Variants in FSD1L observed in about 807,000 individuals in gnomAD.
FSD1L encodes FSD1-like protein.
Under a neutral mutation model 71.6 loss-of-function variants are expected in FSD1L, and 45 were observed. That is an observed-to-expected ratio of 0.63 (90% confidence interval 0.49 to 0.81). FSD1L has a LOEUF of 0.81. Ranked by LOEUF, FSD1L falls within the 30% of genes least tolerant of loss-of-function variation. FSD1L has a pLI of 0.00. For missense variants in FSD1L, 561 were observed against 618.1 expected (o/e 0.91, Z 0.98); for synonymous variants, 197 against 207.2 (o/e 0.95, Z 0.42).
intron 6 of FSD1L, 54 bp from the exon 7 acceptor site, chr9:105,484,327 G>T: frequency 7.9e-7 from 1 of 1,273,882 alleles, no homozygotes; most frequent in Non-Finnish European, 1.0e-6. Flanking sequence ...AATTAAATAT[G>T]ATTTGATACT....
Position 105,494,263 on chromosome 9 carries a change from G to A in FSD1L, c.586+9761G>A, listed in dbSNP as rs558156760. 8.6e-3 allele frequency among the ~76,000 whole-genome samples: 1,310 copies of A among 151,708 alleles called. 16 individuals are homozygous for A. The highest frequency in any genetic ancestry group is 0.03 in the African/African-American group (1,250 of 41,204). On this transcript the variant is annotated intron_variant, in intron 7 of 13. Transcript: ENST00000481272. Reference sequence around the variant, plus strand: ...CATTTCATTCATTTCATCTTCCATTGCTGATACCCTTTCTTCCAGTTGATT... The same window carrying A: ...CATTTCATTCATTTCATCTTCCATTACTGATACCCTTTCTTCCAGTTGATT...
At chr9:105,513,420 G>A (rs915379495) in intron 10 of FSD1L, among the ~76,000 whole-genome samples, 1 of 152,128 alleles carries the variant, frequency 6.6e-6, no homozygotes, top group Non-Finnish European at 1.5e-5. Flanking sequence ...CAAAACATGG[G>A]ATCCTCTTTC....
rs988576656 is a variant in FSD1L, at chr9:105,546,607, T to C, written c.*124T>C. ...CTGTGTTCTGCTTTGAGGCCTGGAATCTTTTATCATTAAACACCTAGTACG... is the reference window on the plus strand; with the variant it reads ...CTGTGTTCTGCTTTGAGGCCTGGAACCTTTTATCATTAAACACCTAGTACG... On this transcript the variant is annotated 3_prime_UTR_variant, in exon 14 of 14. Transcript: ENST00000481272. 4 of 912,286 alleles carry C rather than the reference T, an allele frequency of 4.4e-6. No individual in the cohort carries two copies. In the South Asian group the frequency reaches 8.9e-5, roughly 20 times the overall value. 56.5% of individuals were successfully genotyped at this position (912,286 alleles called of 1,614,324 possible).
At chr9:105,466,403 A>G (rs987739446) in intron 3 of FSD1L, among the ~76,000 whole-genome samples, 3 of 152,240 alleles carry the variant, frequency 2.0e-5, no homozygotes, top group African/African-American at 4.8e-5. Flanking sequence ...ATAGAACTAC[A>G]AAAGAACCAG....
chr9:105,486,485 T>G (rs1000134484), intron 7 of FSD1L, among the ~76,000 whole-genome samples: 1 of 152,174 alleles, frequency 6.6e-6, no homozygotes, highest in Non-Finnish European at 1.5e-5. Context: ...TCTTGGGAGA[T>G]AGGGACTTAA....
At chr9:105,511,260 A>G (rs1432630690) in intron 9 of FSD1L, among the ~76,000 whole-genome samples, 1 of 151,568 alleles carries the variant, frequency 6.6e-6, no homozygotes, top group Non-Finnish European at 1.5e-5. Context: ...AACAAACATT[A>G]GGGGACAGCC....
chr9:105,448,083 C>T lies in FSD1L; in HGVS notation c.-138C>T, dbSNP rs1829729988. 3.0e-6 allele frequency: 3 copies of T among 994,248 alleles called. No homozygotes were observed. Among genetic ancestry groups the T allele is most frequent in the African/African-American group, 1.7e-5 (1 of 58,540 alleles). The allele number at this position is 994,248 out of a possible 1,614,324, so 61.6% of individuals were successfully genotyped here. On this transcript the variant is annotated 5_prime_UTR_variant, in exon 1 of 14. Transcript: ENST00000481272. ...GACTACGGCGCGCGCGGTCTGGGCGCGGACGGGTGGGGCCGGGCGGTGCCG... is the reference window on the plus strand; with the variant it reads ...GACTACGGCGCGCGCGGTCTGGGCGTGGACGGGTGGGGCCGGGCGGTGCCG...
At chr9:105,544,066 C>T (rs1836814056) in intron 13 of FSD1L, among the ~76,000 whole-genome samples, 2 of 152,188 alleles carry the variant, frequency 1.3e-5, no homozygotes, top group African/African-American at 4.8e-5. Context: ...AAAAGTGTTC[C>T]TGTTTCTCCA....
chr9:105,526,212 A>G (rs969923093), intron 10 of FSD1L: 82 of 1,597,440 alleles, frequency 5.1e-5, no homozygotes, highest in Non-Finnish European at 6.9e-5. Flanking sequence ...CTCTGATTCC[A>G]TTGTATCAAA....
intron 1 of FSD1L, 74 bp downstream of exon 1, chr9:105,448,309 C>A: frequency 8.4e-7 from 1 of 1,188,754 alleles, no homozygotes; most frequent in Non-Finnish European, 1.1e-6. Flanking sequence ...CGCCTGGGCC[C>A]GTGGGCTGTG....
intron 1 of FSD1L, among the ~76,000 whole-genome samples, chr9:105,454,893 C>T (rs1830269640): frequency 6.6e-6 from 1 of 152,178 alleles, no homozygotes; most frequent in Non-Finnish European, 1.5e-5. Flanking sequence ...CATCTGTGTA[C>T]AGGTAGTGTT....
At chr9:105,546,052 T>C (rs1168962837) in intron 13 of FSD1L, among the ~76,000 whole-genome samples, 3 of 152,076 alleles carry the variant, frequency 2.0e-5, no homozygotes, top group Non-Finnish European at 4.4e-5. Context: ...GCATCAGTAA[T>C]GATAGGTAAT....
At chr9:105,525,508 A>G in intron 10 of FSD1L, 2 of 1,610,052 alleles carry the variant, frequency 1.2e-6, no homozygotes, top group Non-Finnish European at 8.5e-7. Context: ...AGATGAACCA[A>G]TACCTCAAAA....
Position 105,448,242 on chromosome 9 carries a change from G to A in FSD1L, c.15+7G>A, listed in dbSNP as rs765498752. ...CGCCATGGACTCCCAGAAAGTAAGC[G>A]GGGGAGGGGAGCCCGGGGCTACCGA... On this transcript the variant is annotated splice_region_variant and intron_variant, in intron 1 of 13. Coordinates refer to ENST00000481272, the MANE Select transcript of FSD1L (RefSeq NM_001145313.3). 2 of 1,537,052 alleles carry A rather than the reference G, an allele frequency of 1.3e-6. No homozygotes were observed. Among genetic ancestry groups the A allele is most frequent in the East Asian group, 2.6e-5 (1 of 38,934 alleles).
intron 10 of FSD1L, chr9:105,523,025 T>C: frequency 6.2e-7 from 1 of 1,614,144 alleles, no homozygotes; most frequent in Non-Finnish European, 8.5e-7. Context: ...GCCAAAAATT[T>C]GACAATTTTG....
chr9:105,464,104 T>G, intron 2 of FSD1L, 132 bp from the exon 3 acceptor site: 1 of 592,536 alleles, frequency 1.7e-6, no homozygotes, highest in Non-Finnish European at 3.0e-6. Flanking sequence ...TTTTGAAGAA[T>G]GAGAAATTTT....
rs760781636 is a variant in FSD1L at position 105,448,172 on chromosome 9, A to G, written c.-49A>G. On this transcript the variant is annotated 5_prime_UTR_variant, in exon 1 of 14. Coordinates refer to ENST00000481272, the MANE Select transcript of FSD1L (RefSeq NM_001145313.3). ...GTGTGCGATCTCGCTGAGCCTCCTCACACGGTTCGTCGTCTCGGGTTCGAG... is the reference window on the plus strand; with the variant it reads ...GTGTGCGATCTCGCTGAGCCTCCTCGCACGGTTCGTCGTCTCGGGTTCGAG... 2.2e-5 allele frequency: 34 copies of G among 1,538,652 alleles called. No homozygotes were observed. Among genetic ancestry groups the G allele is most frequent in the Non-Finnish European group, 2.9e-5 (33 of 1,139,252 alleles).
Position 105,546,360 on chromosome 9 carries a change from A to T in FSD1L, c.1470A>T (p.Val490=), listed in dbSNP as rs1184593234. ...FTQPVLPGFM[V]WCGGLSLSTG... is the part of the protein sequence containing the mutation. ...CAGGTTTTTTTGTCTTTTCTTAGGT[A>T]TGGTGTGGTGGACTTTCTTTGAGTA... Residue 490 remains valine (V), a splice_region_variant and synonymous_variant, in exon 14 of 14, where the codon GTA becomes GTT. Coordinates refer to ENST00000481272, the MANE Select transcript of FSD1L (RefSeq NM_001145313.3). 2 of 1,538,352 alleles carry T rather than the reference A, an allele frequency of 1.3e-6. No homozygotes were observed. Among genetic ancestry groups the T allele is most frequent in the East Asian group, 4.9e-5 (2 of 40,798 alleles).
intron 1 of FSD1L, among the ~76,000 whole-genome samples, chr9:105,454,644 T>C (rs1022340987): frequency 1.3e-5 from 2 of 152,354 alleles, no homozygotes; most frequent in African/African-American, 4.8e-5. Flanking sequence ...TCCTTGACTT[T>C]ACTGGGTAAA....
Sources: allele counts gnomAD v4.1 joint callset (sites outside exome capture counted in the v4.1 genomes callset), GRCh38; gene constraint gnomAD v4.1.1; transcripts MANE v1.5; gene names NCBI Gene and HGNC (gene_info 2026-07-23, HGNC 2026-07-21).